Variants in ALK observed in about 807,000 individuals in gnomAD.
ALK encodes ALK receptor tyrosine kinase, also known as ALK tyrosine kinase receptor.
Under a neutral mutation model 163.1 loss-of-function variants are expected in ALK, and 74 were observed. The observed-to-expected ratio is 0.45, with a 90% CI of 0.38 to 0.55. The LOEUF is 0.55. ALK is among the 20% of genes least tolerant of loss of function. The probability of loss-of-function intolerance (pLI) is 0.00; values close to 1 mark genes in which losing one functional copy is unlikely to be tolerated. For missense variants in ALK, 2,063 were observed against 2,105.3 expected (o/e 0.98, Z 0.39); for synonymous variants, 960 against 843.2 (o/e 1.14, Z -2.40).
intron 1 of ALK, among the ~76,000 whole-genome samples, chr2:29,858,435 T>C (rs1327667728): frequency 2.6e-5 from 4 of 152,006 alleles, no homozygotes; most frequent in African/African-American, 9.7e-5. Context: ...GGAGGTTACA[T>C]GGACAAAAGG....
At chr2:29,836,193 T>C (rs1665554493) in intron 1 of ALK, among the ~76,000 whole-genome samples, 1 of 152,224 alleles carries the variant, frequency 6.6e-6, no homozygotes, top group Non-Finnish European at 1.5e-5. Context: ...AGGGTCTGCT[T>C]CTGGGGAACC....
chr2:29,895,459 C>T (rs1667245687), intron 1 of ALK, among the ~76,000 whole-genome samples: 1 of 152,182 alleles, frequency 6.6e-6, no homozygotes, highest in African/African-American at 2.4e-5. Flanking sequence ...AGAATTGAGG[C>T]TGGAAGCAGG....
At chr2:29,505,501 G>T (rs1222954930) in intron 4 of ALK, among the ~76,000 whole-genome samples, 1 of 152,114 alleles carries the variant, frequency 6.6e-6, no homozygotes, top group South Asian at 2.1e-4. Context: ...AGCACTCCTG[G>T]TTCCATCAGG....
intron 5 of ALK, among the ~76,000 whole-genome samples, chr2:29,331,139 T>C (rs775470137): frequency 1.3e-5 from 2 of 152,190 alleles, no homozygotes; most frequent in Non-Finnish European, 2.9e-5. Context: ...TAGACCTTTG[T>C]GGTCCCCTGG....
intron 1 of ALK, among the ~76,000 whole-genome samples, chr2:29,792,787 A>T (rs1483148051): frequency 1.4e-4 from 2 of 14,478 alleles, no homozygotes; most frequent in African/African-American, 2.8e-4. Flanking sequence ...ATGCAATAGC[A>T]TAATCTCTAA....
chr2:29,263,721 C>T (rs1665144513), intron 11 of ALK, among the ~76,000 whole-genome samples: 1 of 152,112 alleles, frequency 6.6e-6, no homozygotes, highest in African/African-American at 2.4e-5. Flanking sequence ...GCTGGAGTTG[C>T]AGCAGCCATT....
At chr2:29,236,781 G>A (rs570915998) in intron 13 of ALK, among the ~76,000 whole-genome samples, 19 of 152,104 alleles carry the variant, frequency 1.2e-4, no homozygotes, top group African/African-American at 4.1e-4. Context: ...CCTTAAGCTC[G>A]GTCTTCACAT....
intron 4 of ALK, among the ~76,000 whole-genome samples, chr2:29,425,844 TGA>T (rs1670122622): frequency 6.6e-6 from 1 of 152,144 alleles, no homozygotes; most frequent in Admixed American, 6.5e-5. Flanking sequence ...GGCAAACAAC[TGA>T]GAGGAGACTG....
rs893059533 is a variant in ALK, at chr2:29,627,282, T to G, written c.952+67568A>C. Among the ~76,000 whole-genome samples, 6 of 152,142 alleles carry G rather than the reference T, an allele frequency of 3.9e-5. No individual in the cohort carries two copies. The South Asian group carries it at 1.2e-3, about 32-fold the overall frequency. ...CCAGCCCCAGCTGCCCTCTACACAG[T>G]ACCCAGAGAGGACAACACAATCATT... On this transcript the variant is annotated intron_variant, in intron 3 of 28. Coordinates refer to ENST00000389048, the MANE Select transcript of ALK (RefSeq NM_004304.5).
chr2:29,442,453 A>C (rs1029263804), intron 4 of ALK, among the ~76,000 whole-genome samples: 1 of 152,176 alleles, frequency 6.6e-6, no homozygotes, highest in Admixed American at 6.5e-5. Context: ...TGTGGGATGG[A>C]GGGAAGTGCA....
In ALK at chr2:29,220,749, C is replaced by A. The variant is rs1187025942; in HGVS notation, c.3602G>T (p.Gly1201Val). The A allele has an allele frequency of 6.2e-7, 1 of 1,613,860 alleles. No homozygotes were observed. Among genetic ancestry groups the A allele is most frequent in the Admixed American group, 1.7e-5 (1 of 59,998 alleles). The change falls in exon 23 of 29, where the codon GGG becomes GTG. Residue 1201 changes from glycine (G) to valine (V), a missense_variant. Physicochemically the swap from Gly to Val is moderately radical, Grantham distance 109. Transcript: ENST00000389048. ...TCGGAGGAAGGACTTGAGGTCTCCC[C>A]CCGCCATGAGCTCCAGCAGGATGAA... Reference protein sequence around the residue: ...PRFILLELMAGGDLKSFLRET... With the variant: ...PRFILLELMAVGDLKSFLRET...
chr2:29,854,636 T>G (rs947691526), intron 1 of ALK, among the ~76,000 whole-genome samples: 2 of 152,208 alleles, frequency 1.3e-5, no homozygotes, highest in African/African-American at 4.8e-5. Flanking sequence ...ACTAATGTAG[T>G]TCATCATCCA....
chr2:29,733,194 C>T (rs533034831), intron 1 of ALK, among the ~76,000 whole-genome samples: 1 of 152,216 alleles, frequency 6.6e-6, no homozygotes, highest in Non-Finnish European at 1.5e-5. Flanking sequence ...CCTAGCCATT[C>T]TCCCTGGAAG....
At chr2:29,443,977 AT>A (rs1670607676) in intron 4 of ALK, among the ~76,000 whole-genome samples, 1 of 152,196 alleles carries the variant, frequency 6.6e-6, no homozygotes, top group Non-Finnish European at 1.5e-5. Context: ...TTTCTACCAG[AT>A]TGCTCTTGTT....
At chr2:29,340,759 C>A (rs1186046674) in intron 5 of ALK, among the ~76,000 whole-genome samples, 1 of 152,176 alleles carries the variant, frequency 6.6e-6, no homozygotes, top group Non-Finnish European at 1.5e-5. Context: ...CATGATAAAC[C>A]CATAAGAGGC....
At chr2:29,303,120 C>T (rs531679520) in intron 8 of ALK, among the ~76,000 whole-genome samples, 10 of 152,144 alleles carry the variant, frequency 6.6e-5, no homozygotes, top group Non-Finnish European at 1.3e-4. Flanking sequence ...ACTATGCATC[C>T]AAGAAGGGAT....
chr2:29,605,497 G>A (rs1401329109), intron 3 of ALK, among the ~76,000 whole-genome samples: 3 of 152,156 alleles, frequency 2.0e-5, no homozygotes, highest in Non-Finnish European at 4.4e-5. Context: ...ATTTGGAGGC[G>A]GGGCCTTTGG....
chr2:29,792,501 C>T (rs1664212346), intron 1 of ALK, among the ~76,000 whole-genome samples: 1 of 152,040 alleles, frequency 6.6e-6, no homozygotes, highest in Non-Finnish European at 1.5e-5. Flanking sequence ...GAAAAATAAT[C>T]CATAACAAAA....
In ALK at chr2:29,469,937, A is replaced by C. The variant is rs368988555; in HGVS notation, c.1154+61978T>G. Among the ~76,000 whole-genome samples the C allele has an allele frequency of 4.3e-4, 66 of 152,350 alleles. 1 individual carries two copies. In the South Asian group the frequency reaches 0.013, roughly 31 times the overall value. On this transcript the variant is annotated intron_variant, in intron 4 of 28. Transcript: ENST00000389048. ...AAAAGCAATGGAAAAAAATAAAAAC[A>C]GACCTTGAAGTCTGATATTGGAGTT... is the stretch of plus-strand genomic sequence containing the variant.
Sources: allele counts gnomAD v4.1 joint callset (sites outside exome capture counted in the v4.1 genomes callset), GRCh38; gene constraint gnomAD v4.1.1; transcripts MANE v1.5; gene names NCBI Gene and HGNC (gene_info 2026-07-23, HGNC 2026-07-21).